CSMD2: variants seen among roughly 807,000 people sequenced by gnomAD.
CSMD2 encodes CUB and sushi domain-containing protein 2.
CSMD2 carries 130 observed loss-of-function variants against 398.5 expected under a neutral mutation model. That is an observed-to-expected ratio of 0.33 (90% CI 0.28 to 0.38). CSMD2 has a LOEUF of 0.38. CSMD2 is among the 10% of genes least tolerant of loss of function. The pLI is 1.00. For missense variants in CSMD2, 3,829 were observed against 4,764.9 expected (o/e 0.80, Z 5.78); for synonymous variants, 1,828 against 1,908.5 (o/e 0.96, Z 1.10).
chr1:33,693,399 A>G (rs776161939), intron 24 of CSMD2, among the ~76,000 whole-genome samples: 2 of 152,208 alleles, frequency 1.3e-5, no homozygotes, highest in Non-Finnish European at 2.9e-5. Flanking sequence ...TCACAATGAG[A>G]TATCACTTCA....
rs763406964 is a variant in CSMD2 at position 33,846,968 on chromosome 1, C to T, written c.949G>A (p.Val317Ile). The part of the protein sequence containing the change: ...WFTGASLPAP[V>I]ISSKNWLRLH... ...CGCAGCCAGTTCTTGCTGCTGATAA[C>T]GGGGGCTGGGAGGCTGGCTCCGGTG... Residue 317 changes from valine to isoleucine, a missense_variant, in exon 6 of 71, where the codon GTT becomes ATT. By Grantham distance (29) the Val-to-Ile change is conservative. Coordinates refer to ENST00000373381, the MANE Select transcript of CSMD2 (RefSeq NM_001281956.2). The T allele has an allele frequency of 2.4e-5, 39 of 1,609,526 alleles. No individual in the cohort carries two copies. Among genetic ancestry groups the T allele is most frequent in the Non-Finnish European group, 2.9e-5 (34 of 1,177,888 alleles).
chr1:33,985,391 T>G (rs1386321810), intron 3 of CSMD2, among the ~76,000 whole-genome samples: 1 of 152,164 alleles, frequency 6.6e-6, no homozygotes, highest in Admixed American at 6.5e-5. Flanking sequence ...CAGGAGGGAC[T>G]GCGGTGGGCC....
chr1:33,971,204 T>C (rs1040162485), intron 3 of CSMD2, among the ~76,000 whole-genome samples: 2 of 152,162 alleles, frequency 1.3e-5, no homozygotes, highest in African/African-American at 2.4e-5. Context: ...GGACTCACGA[T>C]TAACATGCTG....
chr1:33,536,071 G>T (rs1220737584), intron 62 of CSMD2, among the ~76,000 whole-genome samples: 1 of 152,130 alleles, frequency 6.6e-6, no homozygotes, highest in African/African-American at 2.4e-5. Context: ...AGGGCCATAA[G>T]CATGTGCCGA....
chr1:33,866,966 G>A (rs372513901), intron 5 of CSMD2, among the ~76,000 whole-genome samples: 20 of 152,156 alleles, frequency 1.3e-4, no homozygotes, highest in Admixed American at 2.0e-4. Context: ...GTAATATAGC[G>A]GATATACTCT....
intron 5 of CSMD2, among the ~76,000 whole-genome samples, chr1:33,891,212 A>AAG (rs1641991629): frequency 6.6e-6 from 1 of 151,174 alleles, no homozygotes; most frequent in Non-Finnish European, 1.5e-5. Flanking sequence ...AGAAAAAAAA[A>AAG]ACAACCCCAT....
Position 33,577,320 on chromosome 1 carries a change from T to C in CSMD2, c.7552A>G (p.Ser2518Gly). ...CCTTGACAGAGAGGGATGGCTTCGC[T>C]CCACAGGTGGTAGCCCTGGGGGTGC... ...TRHPQGYHLW[S>G]EAIPLCQALS... Residue 2518 changes from serine to glycine, a missense_variant, in exon 49 of 71, where the codon AGC becomes GGC. Physicochemically the swap from Ser to Gly is moderately conservative, Grantham distance 56. Coordinates refer to ENST00000373381, the MANE Select transcript of CSMD2 (RefSeq NM_001281956.2). The C allele has an allele frequency of 6.2e-7, 1 of 1,612,582 alleles. No individual in the cohort carries two copies. The highest frequency in any genetic ancestry group is 8.5e-7 in the Non-Finnish European group (1 of 1,179,086).
At chr1:34,088,208 G>A (rs771951980) in intron 2 of CSMD2, among the ~76,000 whole-genome samples, 35 of 152,240 alleles carry the variant, frequency 2.3e-4, no homozygotes, top group Non-Finnish European at 4.6e-4. Context: ...GGCTCCCCAG[G>A]GCTTGGCTTG....
chr1:34,162,583 G>T (rs1641445835), intron 1 of CSMD2, among the ~76,000 whole-genome samples: 1 of 152,128 alleles, frequency 6.6e-6, no homozygotes, highest in Admixed American at 6.5e-5. Flanking sequence ...ACTGGGCTGG[G>T]CGCGGTGGCT....
At chr1:33,825,924 G>A in intron 6 of CSMD2, 150 bp from the exon 7 acceptor site, 1 of 640,016 alleles carries the variant, frequency 1.6e-6, no homozygotes, top group Non-Finnish European at 2.7e-6. Flanking sequence ...CAAGGGTAGT[G>A]GTCAAGGGCA....
rs922463709 is a variant in CSMD2 at position 34,116,226 on chromosome 1, G to A, written c.188-27033C>T. On this transcript the variant is annotated intron_variant, in intron 1 of 70. Coordinates refer to ENST00000373381, the MANE Select transcript of CSMD2 (RefSeq NM_001281956.2). Reference sequence around the variant, plus strand: ...ACAAGAGACTCGTTTTAGACATAAGGACATACATAAATGAAAAGTAAAAGA... The same window carrying A: ...ACAAGAGACTCGTTTTAGACATAAGAACATACATAAATGAAAAGTAAAAGA... Among the ~76,000 whole-genome samples the A allele has an allele frequency of 4.0e-5, 6 of 151,886 alleles. 1 individual carries two copies. The highest frequency in any genetic ancestry group is 1.4e-4 in the African/African-American group (6 of 41,420).
chr1:33,782,861 A>G (rs1652967574), intron 12 of CSMD2, among the ~76,000 whole-genome samples: 1 of 152,174 alleles, frequency 6.6e-6, no homozygotes, highest in African/African-American at 2.4e-5. Flanking sequence ...TTATCCTAAA[A>G]TCAATGGGAA....
chr1:33,519,360 G>A lies in CSMD2; in HGVS notation c.*53+105C>T. 1.5e-6 allele frequency: 1 copy of A among 654,778 alleles called. No individual in the cohort carries two copies. Among genetic ancestry groups the A allele is most frequent in the South Asian group, 1.8e-5 (1 of 54,312 alleles). The allele number at this position is 654,778 out of a possible 1,614,324, so 40.6% of individuals were successfully genotyped here. Reference sequence around the variant, plus strand: ...CAATGCACAGCTCTCCTCTTACTGGGTGTGTCTATGTGGTGTGTGCGACTC... The same window carrying A: ...CAATGCACAGCTCTCCTCTTACTGGATGTGTCTATGTGGTGTGTGCGACTC... On this transcript the variant is annotated intron_variant, in intron 70 of 70. Coordinates refer to ENST00000373381, the MANE Select transcript of CSMD2 (RefSeq NM_001281956.2). This position sits in a 1 kb window ranked among gnomAD's most constrained non-coding sequence, Gnocchi z 5.6.
chr1:33,672,408 C>T (rs1342664439), intron 25 of CSMD2, among the ~76,000 whole-genome samples: 1 of 152,356 alleles, frequency 6.6e-6, no homozygotes, highest in Non-Finnish European at 1.5e-5. Flanking sequence ...GGCAGCAAGG[C>T]TGGGGGAGGG....
chr1:34,104,535 G>T (rs1364044037), intron 1 of CSMD2, among the ~76,000 whole-genome samples: 1 of 152,208 alleles, frequency 6.6e-6, no homozygotes, highest in Non-Finnish European at 1.5e-5. Flanking sequence ...GTGTTTGGGA[G>T]TGCAATCTGG....
intron 5 of CSMD2, among the ~76,000 whole-genome samples, chr1:33,888,573 C>T (rs1004101846): frequency 6.6e-6 from 1 of 152,112 alleles, no homozygotes; most frequent in Non-Finnish European, 1.5e-5. Flanking sequence ...AGATCTATAG[C>T]TCAAACCTCG....
chr1:33,782,364 G>A (rs1652891138), intron 12 of CSMD2, among the ~76,000 whole-genome samples: 1 of 152,148 alleles, frequency 6.6e-6, no homozygotes, highest in South Asian at 2.1e-4. Flanking sequence ...GCTTCCAACT[G>A]AGCATTTACT....
At chr1:34,140,176 T>C (rs1424280110) in intron 1 of CSMD2, among the ~76,000 whole-genome samples, 3 of 151,960 alleles carry the variant, frequency 2.0e-5, no homozygotes, top group Admixed American at 6.6e-5. Flanking sequence ...CACACAATTC[T>C]ATGAGAATGA....
At chr1:33,662,793 A>C in intron 26 of CSMD2, 97 bp downstream of exon 26, 1 of 1,088,184 alleles carries the variant, frequency 9.2e-7, no homozygotes, top group Non-Finnish European at 1.4e-6. Context: ...AACTATCTTT[A>C]CATGGACTGA....
Sources: gnomAD v4.1 joint callset for allele counts (sites outside exome capture counted in the v4.1 genomes callset) on GRCh38, gnomAD v4.1.1 for gene constraint, Gnocchi (gnomAD v3.1) non-coding constraint, MANE v1.5 for transcripts, NCBI Gene and HGNC (gene_info 2026-07-23, HGNC 2026-07-21) for gene names.